Variants in RYR2 observed in about 807,000 individuals in gnomAD.
The protein encoded by RYR2 is ryanodine receptor 2, also known as cardiac muscle ryanodine receptor-calcium release channel.
In RYR2, 227 loss-of-function variants were observed where a neutral mutation model predicts 601.1. That is an observed-to-expected ratio of 0.38 (90% CI 0.34 to 0.42). The LOEUF (loss-of-function observed/expected upper bound fraction) is 0.42, where lower values mean the gene tolerates loss of function less well. Ranked by LOEUF, RYR2 falls within the 10% of genes least tolerant of loss-of-function variation. The pLI is 1.00. For missense variants in RYR2, 4,646 were observed against 6,156.5 expected (o/e 0.75, Z 8.21); for synonymous variants, 2,223 against 2,175.1 (o/e 1.02, Z -0.61).
chr1:237,735,800 A>G (rs73101974), intron 79 of RYR2, among the ~76,000 whole-genome samples: 9,808 of 152,192 alleles, frequency 0.064, 349 homozygotes, highest in Non-Finnish European at 0.086. Context: ...TAGTTGTTCA[A>G]CTCTATCATA....
intron 2 of RYR2, among the ~76,000 whole-genome samples, chr1:237,311,478 A>G (rs916076872): frequency 1.3e-5 from 2 of 150,152 alleles, no homozygotes; most frequent in African/African-American, 5.0e-5. Context: ...CCTGAGAAAA[A>G]ATCCTTTTTT....
At chr1:237,571,022 G>A (rs1672627879) in intron 29 of RYR2, among the ~76,000 whole-genome samples, 1 of 152,104 alleles carries the variant, frequency 6.6e-6, no homozygotes, top group Admixed American at 6.5e-5. Context: ...AGCTGCTCAG[G>A]TGGCTGAGGT....
intron 25 of RYR2, among the ~76,000 whole-genome samples, chr1:237,544,323 G>A (rs1357991574): frequency 1.3e-5 from 2 of 152,122 alleles, no homozygotes; most frequent in African/African-American, 4.8e-5. Flanking sequence ...TAAATTGGAG[G>A]AGAGAAAAGT....
chr1:237,518,489 A>G (rs1257462681), intron 24 of RYR2, among the ~76,000 whole-genome samples: 1 of 152,056 alleles, frequency 6.6e-6, no homozygotes, highest in Non-Finnish European at 1.5e-5. Context: ...TTTAACACCC[A>G]CTTGTGAATG....
At chr1:237,687,547 GT>G in intron 63 of RYR2, 43 bp downstream of exon 63, 1 of 1,503,004 alleles carries the variant, frequency 6.7e-7, no homozygotes, top group Non-Finnish European at 9.2e-7. Flanking sequence ...CCATCACTTG[GT>G]TTTCTTTGCC....
intron 24 of RYR2, 76 bp downstream of exon 24, chr1:237,511,867 TGATGCTATATGTTAATTGA>T (rs968318789): frequency 7.3e-6 from 6 of 822,414 alleles, no homozygotes; most frequent in Non-Finnish European, 1.1e-5. Context: ...AAACAGGTAT[TGATGCTATATGTTAATTGA>T]GCTGTGAAGT....
At position 237,491,605 on chromosome 1, in the gene RYR2, A is replaced by G. The variant is rs555076398; in HGVS notation, c.1709-201A>G. 3.3e-5 allele frequency among the ~76,000 whole-genome samples: 5 copies of G among 152,216 alleles called. No individual in the cohort carries two copies. In the South Asian group the frequency reaches 6.2e-4, roughly 19 times the overall value. ...CAGTTGTTTGCCTTTTCTTCCCTCA[A>G]CTGTGATGTCTTCATCTTTGGATAT... On this transcript the variant is annotated intron_variant, in intron 17 of 104. Coordinates refer to ENST00000366574, the MANE Select transcript of RYR2 (RefSeq NM_001035.3).
At chr1:237,807,768 G>T (rs1423117798) in intron 99 of RYR2, among the ~76,000 whole-genome samples, 1 of 152,104 alleles carries the variant, frequency 6.6e-6, no homozygotes, top group Non-Finnish European at 1.5e-5. Context: ...CTCTGTTAAG[G>T]TAACATGTTT....
At chr1:237,075,196 C>G (rs753629851) in intron 1 of RYR2, among the ~76,000 whole-genome samples, 3 of 151,654 alleles carry the variant, frequency 2.0e-5, no homozygotes, top group Non-Finnish European at 4.4e-5. Flanking sequence ...TTTTTTTGGC[C>G]CATGCATTTT....
chr1:237,109,941 G>A (rs1341675473), intron 1 of RYR2, among the ~76,000 whole-genome samples: 4 of 151,774 alleles, frequency 2.6e-5, no homozygotes, highest in African/African-American at 9.7e-5. Context: ...GCCACAGCTT[G>A]GTCACAAGAC....
chr1:237,178,416 C>CTGTGTG lies in RYR2; in HGVS notation c.49-92033_49-92028dup, dbSNP rs201867544. Among the ~76,000 whole-genome samples the CTGTGTG allele has an allele frequency of 2.1e-3, 271 of 129,780 alleles. 2 individuals are homozygous for CTGTGTG. Among genetic ancestry groups the CTGTGTG allele is most frequent in the East Asian group, 6.7e-3 (29 of 4,300 alleles). 85.1% of individuals were successfully genotyped at this position (129,780 alleles called of 152,430 possible). On this transcript the variant is annotated intron_variant, in intron 1 of 104. Transcript: ENST00000366574. ...TTAAGGCTCTTTTGTAGTTAAGGCTCTGTGTGTGTGTGTGTGTGTGTGTGT... is the reference window on the plus strand; with the variant it reads ...TTAAGGCTCTTTTGTAGTTAAGGCTCTGTGTGTGTGTGTGTGTGTGTGTGTGTGTGT...
chr1:237,291,644 C>A (rs1201198474), intron 2 of RYR2, among the ~76,000 whole-genome samples: 2 of 151,994 alleles, frequency 1.3e-5, no homozygotes, highest in African/African-American at 4.8e-5. Context: ...CATGGAGGAA[C>A]CTTAAATGCA....
At chr1:237,370,774 C>T (rs1244421003) in intron 6 of RYR2, among the ~76,000 whole-genome samples, 2 of 151,488 alleles carry the variant, frequency 1.3e-5, no homozygotes, top group African/African-American at 4.9e-5. Context: ...CATTCTCCTG[C>T]CTCAGCCTCC....
intron 4 of RYR2, 51 bp downstream of exon 4, chr1:237,356,036 T>C (rs1699266356): frequency 1.3e-6 from 2 of 1,512,086 alleles, no homozygotes; most frequent in Admixed American, 3.6e-5. Flanking sequence ...AAGTGCATGC[T>C]TGCTCTCGCC....
At chr1:237,804,811 A>G (rs890855083) in intron 98 of RYR2, among the ~76,000 whole-genome samples, 1 of 152,164 alleles carries the variant, frequency 6.6e-6, no homozygotes, top group African/African-American at 2.4e-5. Flanking sequence ...GTCTCAGCAA[A>G]CACTGATTTA....
intron 1 of RYR2, among the ~76,000 whole-genome samples, chr1:237,186,514 C>A (rs993344282): frequency 6.6e-6 from 1 of 152,166 alleles, no homozygotes; most frequent in Admixed American, 6.5e-5. Flanking sequence ...TTTATGGTAT[C>A]AATGATCCCT....
chr1:237,550,984 C>T (rs908858804), intron 27 of RYR2, among the ~76,000 whole-genome samples: 1 of 152,120 alleles, frequency 6.6e-6, no homozygotes, highest in African/African-American at 2.4e-5. Flanking sequence ...CTCCCCTAGC[C>T]CACCAGCCCT....
intron 71 of RYR2, among the ~76,000 whole-genome samples, chr1:237,714,157 G>A (rs529260827): frequency 3.3e-5 from 5 of 152,230 alleles, no homozygotes; most frequent in South Asian, 2.1e-4. Flanking sequence ...CTCACTGTTC[G>A]TAGCAGCAAA....
intron 3 of RYR2, among the ~76,000 whole-genome samples, chr1:237,355,138 C>G (rs1050774221): frequency 1.3e-5 from 2 of 152,116 alleles, no homozygotes; most frequent in Non-Finnish European, 2.9e-5. Flanking sequence ...AATAAACTTT[C>G]ATACATGAAG....
Sources: allele counts gnomAD v4.1 joint callset (sites outside exome capture counted in the v4.1 genomes callset), GRCh38; gene constraint gnomAD v4.1.1; transcripts MANE v1.5; gene names NCBI Gene and HGNC (gene_info 2026-07-23, HGNC 2026-07-21).